Variants in MGAT4C observed in about 807,000 individuals in gnomAD.
MGAT4C encodes the protein MGAT4 family member C.
A neutral mutation model predicts 40.1 loss-of-function variants in MGAT4C; 19 were observed. The observed-to-expected ratio is 0.47, with a 90% CI of 0.33 to 0.70. The LOEUF (loss-of-function observed/expected upper bound fraction) is 0.70. Ranked by LOEUF, MGAT4C falls within the 30% of genes least tolerant of loss-of-function variation. The probability of loss-of-function intolerance (pLI) is 0.02; values close to 1 mark genes in which losing one functional copy is unlikely to be tolerated. For missense variants in MGAT4C, 491 were observed against 563.2 expected (o/e 0.87, Z 1.30); for synonymous variants, 181 against 187.1 (o/e 0.97, Z 0.27).
At chr12:86,677,353 C>A (rs1185399268) in intron 2 of MGAT4C, among the ~76,000 whole-genome samples, 1 of 152,242 alleles carries the variant, frequency 6.6e-6, no homozygotes, top group South Asian at 2.1e-4. Flanking sequence ...GTACTAACTT[C>A]ATCTTTCACT....
At chr12:86,380,337 T>C (rs1404428683) in intron 3 of MGAT4C, among the ~76,000 whole-genome samples, 1 of 152,164 alleles carries the variant, frequency 6.6e-6, no homozygotes, top group African/African-American at 2.4e-5. Context: ...TTTCTTTTGG[T>C]TAAATAGACT....
At chr12:86,800,313 A>T (rs1201904662) in intron 1 of MGAT4C, among the ~76,000 whole-genome samples, 1 of 151,928 alleles carries the variant, frequency 6.6e-6, no homozygotes, top group Non-Finnish European at 1.5e-5. Flanking sequence ...GATGTCTTTA[A>T]TCACAAAAGT....
At chr12:86,652,992 T>G (rs145668195) in intron 2 of MGAT4C, among the ~76,000 whole-genome samples, 1 of 151,934 alleles carries the variant, frequency 6.6e-6, no homozygotes, top group African/African-American at 2.4e-5. Context: ...TATTCTTTTC[T>G]AGAGAAATTA....
At chr12:86,357,609 A>C (rs1955346304) in intron 3 of MGAT4C, among the ~76,000 whole-genome samples, 2 of 152,166 alleles carry the variant, frequency 1.3e-5, no homozygotes, top group African/African-American at 2.4e-5. Context: ...GCTAACTAGA[A>C]GGAACAGTGT....
chr12:86,032,765 T>A (rs1200604300), intron 2 of MGAT4C, among the ~76,000 whole-genome samples: 2 of 149,914 alleles, frequency 1.3e-5, no homozygotes, highest in Non-Finnish European at 3.0e-5. Flanking sequence ...GCTTTTCAGT[T>A]TAATTAGGTC....
intron 1 of MGAT4C, among the ~76,000 whole-genome samples, chr12:86,224,095 C>T (rs552894480): frequency 2.0e-4 from 31 of 152,266 alleles, no homozygotes; most frequent in Admixed American, 9.8e-4. Flanking sequence ...AACAAAGCCA[C>T]CCACTAACAC....
At chr12:86,034,347 A>C (rs1592736929) in intron 2 of MGAT4C, among the ~76,000 whole-genome samples, 1 of 149,608 alleles carries the variant, frequency 6.7e-6, no homozygotes. Flanking sequence ...TTCTTTATAC[A>C]TTGGTAGAAT....
chr12:86,194,557 C>T (rs530841966), intron 1 of MGAT4C, among the ~76,000 whole-genome samples: 6 of 151,478 alleles, frequency 4.0e-5, no homozygotes, highest in African/African-American at 4.8e-5. Context: ...CAGGTTTAAG[C>T]GATTCTCCTG....
At chr12:86,581,300 A>C (rs1428852214) in intron 2 of MGAT4C, among the ~76,000 whole-genome samples, 2 of 151,414 alleles carry the variant, frequency 1.3e-5, no homozygotes, top group African/African-American at 4.8e-5. Flanking sequence ...GTGCCTAGAT[A>C]ATAGCCACAG....
intron 1 of MGAT4C, among the ~76,000 whole-genome samples, chr12:86,774,321 T>TTCTTTCTTTCTTTCTTTCTTTCTTTC (rs1442674902): frequency 4.1e-5 from 4 of 96,638 alleles, no homozygotes; most frequent in Admixed American, 1.3e-4. Flanking sequence ...CTTTCTTTCT[T>TTCTTTCTTTCTTTCTTTCTTTCTTTC]TCTTTCTTTC....
chr12:86,138,508 ATATATTTCCATAGATATATCATG>A (rs1882334936), intron 1 of MGAT4C, among the ~76,000 whole-genome samples: 1 of 147,658 alleles, frequency 6.8e-6, no homozygotes, highest in Non-Finnish European at 1.5e-5. Flanking sequence ...TATATCATGT[ATATATTTCCATAGATATATCATG>A]TATATATTTC....
intron 1 of MGAT4C, among the ~76,000 whole-genome samples, chr12:86,061,500 T>A (rs1008967235): frequency 1.3e-5 from 2 of 150,322 alleles, no homozygotes; most frequent in African/African-American, 4.9e-5. Context: ...GCCCCAGTGG[T>A]GCCTGCAACG....
intron 2 of MGAT4C, among the ~76,000 whole-genome samples, chr12:86,663,676 T>C (rs1185689468): frequency 6.6e-6 from 1 of 152,118 alleles, no homozygotes; most frequent in Non-Finnish European, 1.5e-5. Context: ...TGGTCACTGG[T>C]GGAGAAAGGG....
chr12:86,230,838 A>G (rs778003557), intron 1 of MGAT4C, among the ~76,000 whole-genome samples: 11 of 151,028 alleles, frequency 7.3e-5, no homozygotes, highest in Non-Finnish European at 1.5e-4. Flanking sequence ...TGGAAATTTG[A>G]CCTTTAACAG....
Position 86,529,490 on chromosome 12 carries a change from A to AT in MGAT4C, c.-228-94226dup, listed in dbSNP as rs36037912. Among the ~76,000 whole-genome samples the AT allele has an allele frequency of 3.4e-3, 511 of 151,440 alleles. 1 individual carries two copies. The highest frequency in any genetic ancestry group is 0.012 in the African/African-American group (490 of 41,350). On this transcript the variant is annotated intron_variant, in intron 2 of 7. Transcript: ENST00000548651. ...TTCACACTTGCTTCAGTGGCAGGCA[A>AT]TTTTTTTTTCTTTAAGGGAAGATTT...
At chr12:86,044,625 G>A (rs561983598) in intron 2 of MGAT4C, among the ~76,000 whole-genome samples, 42 of 152,188 alleles carry the variant, frequency 2.8e-4, no homozygotes, top group Non-Finnish European at 6.2e-4. Context: ...AGGGGCAGGT[G>A]AGCTGGTATG....
At chr12:86,778,200 C>T (rs530439763) in intron 1 of MGAT4C, among the ~76,000 whole-genome samples, 20 of 152,254 alleles carry the variant, frequency 1.3e-4, no homozygotes, top group Middle Eastern at 3.4e-3. Context: ...TCAGGATCAA[C>T]TTCAGAGGTC....
intron 3 of MGAT4C, among the ~76,000 whole-genome samples, chr12:86,425,703 C>T (rs1209092158): frequency 6.6e-6 from 1 of 152,110 alleles, no homozygotes; most frequent in Non-Finnish European, 1.5e-5. Flanking sequence ...TTGCACCAGC[C>T]AAAATCTTGC....
intron 1 of MGAT4C, among the ~76,000 whole-genome samples, chr12:86,080,973 G>A (rs1870728373): frequency 6.6e-6 from 1 of 152,044 alleles, no homozygotes; most frequent in African/African-American, 2.4e-5. Context: ...TATAAGTAAT[G>A]CATATGTTTT....
Sources: gnomAD v4.1 joint callset for allele counts (sites outside exome capture counted in the v4.1 genomes callset) on GRCh38, gnomAD v4.1.1 for gene constraint, MANE v1.5 for transcripts, NCBI Gene and HGNC (gene_info 2026-07-23, HGNC 2026-07-21) for gene names.